The following ZNF138 variants were observed in gnomAD, a reference collection of about 807,000 sequenced individuals.
ZNF138 encodes zinc finger protein 138 (clone pHZ-32).
A neutral mutation model predicts 33.0 loss-of-function variants in ZNF138; 33 were observed. That is an observed-to-expected ratio of 1.00 (90% CI 0.76 to 1.34). The LOEUF (loss-of-function observed/expected upper bound fraction) is 1.34, where lower values mean the gene tolerates loss of function less well. ZNF138 is among the 40% of genes most tolerant of loss of function. The pLI is 0.00. For synonymous variants in ZNF138, 139 were observed against 120.4 expected, an observed-to-expected ratio of 1.15 and a Z score of -1.01; for missense variants, 360 against 370.8, an observed-to-expected ratio of 0.97 and a Z score of 0.24.
At chr7:64,847,004 C>A in the ZNF138 span, among the ~76,000 whole-genome samples, 1 of 152,138 alleles carries the variant, frequency 6.6e-6, no homozygotes, top group African/African-American at 2.4e-5. Flanking sequence ...GCTTTATCTG[C>A]ATCTATTGAG....
rs201456287 is a variant in ZNF138 at position 64,831,476 on chromosome 7, C to A, written c.234C>A (p.Asp78Glu). 2 of 1,575,546 alleles carry A rather than the reference C, an allele frequency of 1.3e-6. No homozygotes were observed. Among genetic ancestry groups the A allele is most frequent in the African/African-American group, 1.4e-5 (1 of 73,252 alleles). The change falls in exon 4 of 4, where the codon GAC (aspartate) becomes GAA (glutamate). Residue 78 changes from aspartate (D) to glutamate (E), a missense_variant. Asp to Glu is a conservative substitution (Grantham distance 45, BLOSUM62 2). Transcript: ENST00000307355. ...CTCTGTGTTCTCGTTTTGCCCAAGA[C>A]CTTTGGCTAGAGCAGAACATAAAAG... ...HSALCSRFAQDLWLEQNIKDS... is the reference protein window; with the variant it reads ...HSALCSRFAQELWLEQNIKDS...
At chr7:64,807,672 G>C (rs924524702) in intron 1 of ZNF138, among the ~76,000 whole-genome samples, 1 of 152,184 alleles carries the variant, frequency 6.6e-6, no homozygotes, top group African/African-American at 2.4e-5. Flanking sequence ...AGAATGTACA[G>C]AAAACCAACA....
rs370833104 is a variant in ZNF138 at position 64,814,982 on chromosome 7, C to G, written c.68C>G (p.Thr23Ser). The G allele has an allele frequency of 3.7e-6, 6 of 1,613,264 alleles. No individual in the cohort carries two copies. The African/African-American group carries it at 6.7e-5, about 18-fold the overall frequency. ...FSLEEWQCLD[T>S]AQRNVYRHVM... ...TTGGAGGAGTGGCAGTGCCTGGACA[C>G]TGCACAGCGGAATGTATATAGGCAT... The change falls in exon 2 of 4, where the codon ACT becomes AGT. Residue 23 changes from threonine (T) to serine (S), a missense_variant. Transcript: ENST00000307355.
At chr7:64,830,751 A>C (rs1353698661) in intron 3 of ZNF138, among the ~76,000 whole-genome samples, 3 of 152,132 alleles carry the variant, frequency 2.0e-5, no homozygotes, top group Non-Finnish European at 4.4e-5. Flanking sequence ...GCTACCTGTC[A>C]GTGTTTATAA....
At chr7:64,806,119 A>G (rs1369631172) in intron 1 of ZNF138, among the ~76,000 whole-genome samples, 3 of 152,200 alleles carry the variant, frequency 2.0e-5, no homozygotes, top group African/African-American at 7.2e-5. Context: ...TAGAATAACC[A>G]CATATAATAT....
At chr7:64,845,327 T>C in the ZNF138 span, among the ~76,000 whole-genome samples, 1 of 152,244 alleles carries the variant, frequency 6.6e-6, no homozygotes, top group Non-Finnish European at 1.5e-5. Flanking sequence ...TGCTCGTTGA[T>C]TGATGGGCAT....
intron 3 of ZNF138, among the ~76,000 whole-genome samples, chr7:64,816,852 G>C (rs1197934135): frequency 4.6e-5 from 7 of 152,166 alleles, no homozygotes; most frequent in African/African-American, 1.7e-4. Flanking sequence ...GTGATGGGAT[G>C]CCCTCTGGGT....
Position 64,833,120 on chromosome 7 carries a change from T to C in ZNF138, c.*918T>C. 3.9e-6 allele frequency: 1 copy of C among 256,030 alleles called. No homozygotes were observed. Among genetic ancestry groups the C allele is most frequent in the Non-Finnish European group, 7.9e-6 (1 of 126,086 alleles). 15.9% of individuals were successfully genotyped at this position (256,030 alleles called of 1,614,324 possible). A position where few individuals can be genotyped will look rare whatever the true frequency, so the allele number is the denominator to read the frequency against. On this transcript the variant is annotated 3_prime_UTR_variant, in exon 4 of 4. Transcript: ENST00000307355. Reference sequence around the variant, plus strand: ...AAGAATGTGGTAAAACTTACAATCCTCAAAACTTCTTACACCTAAAATTCA... The same window carrying C: ...AAGAATGTGGTAAAACTTACAATCCCCAAAACTTCTTACACCTAAAATTCA...
the ZNF138 span, among the ~76,000 whole-genome samples, chr7:64,844,601 T>A: frequency 8.2e-5 from 8 of 97,722 alleles, no homozygotes; most frequent in East Asian, 1.6e-3. Context: ...TTTAATTTTT[T>A]ATTTTTTTTT....
At chr7:64,848,706 T>TTTC in the ZNF138 span, among the ~76,000 whole-genome samples, 1 of 122,782 alleles carries the variant, frequency 8.1e-6, no homozygotes, top group Non-Finnish European at 1.6e-5. Flanking sequence ...TTTGGTGGAT[T>TTTC]TTTTTTTTTT....
At chr7:64,847,814 T>C in the ZNF138 span, among the ~76,000 whole-genome samples, 2 of 152,218 alleles carry the variant, frequency 1.3e-5, no homozygotes, top group Non-Finnish European at 2.9e-5. Context: ...TCTTCAATTC[T>C]GTATCTTTTA....
At chr7:64,799,409 C>T (rs917264795) in intron 1 of ZNF138, among the ~76,000 whole-genome samples, 9 of 151,982 alleles carry the variant, frequency 5.9e-5, no homozygotes, top group Non-Finnish European at 8.8e-5. Context: ...GTGATCTGCC[C>T]GCCTCTGCCT....
In ZNF138 at chr7:64,831,528, A is replaced by C. The variant is rs1790079145; in HGVS notation, c.286A>C (p.Arg96=). The change falls in exon 4 of 4, where the codon AGA becomes CGA. Residue 96 remains arginine (R), a synonymous_variant. Transcript: ENST00000307355. ...TTCTTTCCAAAAAGTGACACTGAGC[A>C]GATATGGAAAATATGGACATAAGAA... ...KDSFQKVTLS[R]YGKYGHKNLQ... is the part of the protein sequence containing the mutation. The C allele has an allele frequency of 1.2e-6, 2 of 1,612,840 alleles. No homozygotes were observed. The highest frequency in any genetic ancestry group is 1.7e-6 in the Non-Finnish European group (2 of 1,179,568).
At chr7:64,854,119 A>C in the ZNF138 span, among the ~76,000 whole-genome samples, 4 of 152,210 alleles carry the variant, frequency 2.6e-5, no homozygotes, top group Non-Finnish European at 5.9e-5. Flanking sequence ...TCATTGTTTA[A>C]TGTTTTTGTG....
the ZNF138 span, chr7:64,853,404 C>G: frequency 9.1e-7 from 1 of 1,101,600 alleles, no homozygotes; most frequent in Non-Finnish European, 1.3e-6. Flanking sequence ...CTTCCCTCTG[C>G]GAGTTGGCTG....
At chr7:64,816,170 T>G (rs968103950) in intron 3 of ZNF138, among the ~76,000 whole-genome samples, 13 of 152,148 alleles carry the variant, frequency 8.5e-5, no homozygotes, top group Admixed American at 2.6e-4. Context: ...TCAAGATTGC[T>G]TTGGCTATTC....
At chr7:64,814,377 C>T (rs1417083143) in intron 1 of ZNF138, among the ~76,000 whole-genome samples, 2 of 152,072 alleles carry the variant, frequency 1.3e-5, no homozygotes, top group Non-Finnish European at 2.9e-5. Flanking sequence ...TATACTTTAT[C>T]ATCCAGAAGA....
At chr7:64,860,604 T>C in the ZNF138 span, among the ~76,000 whole-genome samples, 1 of 152,222 alleles carries the variant, frequency 6.6e-6, no homozygotes. Context: ...TGGGCAGCAC[T>C]TTTGGCTAGT....
At chr7:64,808,646 A>G (rs908584033) in intron 1 of ZNF138, among the ~76,000 whole-genome samples, 2 of 146,916 alleles carry the variant, frequency 1.4e-5, no homozygotes, top group East Asian at 4.0e-4. Flanking sequence ...ACAGAGGGGG[A>G]TTTGGCAGGG....
Sources: gnomAD v4.1 joint callset for allele counts (sites outside exome capture counted in the v4.1 genomes callset) on GRCh38, gnomAD v4.1.1 for gene constraint, MANE v1.5 for transcripts, NCBI Gene and HGNC (gene_info 2026-07-23, HGNC 2026-07-21) for gene names.